The following ORC1 variants were observed in gnomAD, a reference collection of about 807,000 sequenced individuals.
ORC1 encodes the protein origin recognition complex subunit 1, also known as origin recognition complex, subunit 1 homolog.
Under a neutral mutation model 98.9 loss-of-function variants are expected in ORC1, and 61 were observed. The ratio of observed to expected loss-of-function variants is 0.62; its 90% CI spans 0.50 to 0.76. The LOEUF is 0.76. Ranked by LOEUF, ORC1 falls within the 30% of genes least tolerant of loss-of-function variation. ORC1 has a pLI of 0.00. For missense variants in ORC1, 979 were observed against 1,072.2 expected (o/e 0.91, Z 1.21); for synonymous variants, 385 against 406.9 (o/e 0.95, Z 0.65).
intron 3 of ORC1, among the ~76,000 whole-genome samples, chr1:52,398,588 TTTTA>T (rs1269467891): frequency 4.0e-5 from 6 of 149,834 alleles, no homozygotes; most frequent in African/African-American, 1.5e-4. Flanking sequence ...TTTTATTTTA[TTTTA>T]TTTTTTTGAG....
intron 14 of ORC1, among the ~76,000 whole-genome samples, chr1:52,380,028 G>A (rs1005036182): frequency 2.6e-5 from 4 of 152,196 alleles, no homozygotes; most frequent in African/African-American, 9.7e-5. Flanking sequence ...TTGTAGAAGA[G>A]GTGTCCCTTA....
At position 52,383,824 on chromosome 1, in the gene ORC1, C is replaced by T. The variant is rs1647105673; in HGVS notation, c.1863+6G>A. The T allele has an allele frequency of 1.9e-6, 3 of 1,610,840 alleles. No homozygotes were observed. The highest frequency in any genetic ancestry group is 2.5e-6 in the Non-Finnish European group (3 of 1,177,144). ...TTCTTCTCCTGTCCGCCCATGGGCA[C>T]CTCACCTCATCCACAAGCAGGACGG... On this transcript the variant is annotated splice_donor_region_variant and intron_variant, in intron 12 of 16. Transcript: ENST00000371568.
chr1:52,375,513 A>G lies in ORC1; in HGVS notation c.2220T>C (p.Pro740=). The G allele has an allele frequency of 1.2e-6, 2 of 1,614,108 alleles. No homozygotes were observed. Among genetic ancestry groups the G allele is most frequent in the Non-Finnish European group, 1.7e-6 (2 of 1,179,972 alleles). ...CTATGGTGACCAGGCCAGGGGAGTC[A>G]GGCTTCTGCTGGGAGAACTCACAGA... is the stretch of plus-strand genomic sequence containing the variant. ...TEICEFSQQK[P]DSPGLVTIAH... is the part of the protein sequence containing the mutation. Residue 740 remains proline, a synonymous_variant, in exon 15 of 17, where the codon CCT becomes CCC. Transcript: ENST00000371568.
chr1:52,399,414 G>C (rs1308297180), intron 3 of ORC1, among the ~76,000 whole-genome samples: 1 of 151,810 alleles, frequency 6.6e-6, no homozygotes, highest in Non-Finnish European at 1.5e-5. Context: ...CATGAGGTCA[G>C]GAGCTCAAGA....
chr1:52,409,467 AG>A, the ORC1 span: 1 of 152,180 alleles, frequency 6.6e-6, no homozygotes, highest in African/African-American at 2.4e-5. Flanking sequence ...AGTAATTAGC[AG>A]GGTGTGGAGG....
chr1:52,373,046 C>T lies in ORC1; in HGVS notation c.*135G>A. The T allele has an allele frequency of 1.1e-6, 1 of 921,026 alleles. No homozygotes were observed. Among genetic ancestry groups the T allele is most frequent in the Non-Finnish European group, 1.8e-6 (1 of 558,570 alleles). The allele number at this position is 921,026 out of a possible 1,614,324, so 57.1% of individuals were successfully genotyped here. A position where few individuals can be genotyped will look rare whatever the true frequency, so the allele number is the denominator to read the frequency against. The stretch of plus-strand genomic sequence containing the variant: ...ACCTGGGAGGATGAGGTTGGGGGGT[C>T]ACCTAAGCCTGAGAAGTCAAGGCTG... On this transcript the variant is annotated 3_prime_UTR_variant, in exon 17 of 17. Transcript: ENST00000371568.
chr1:52,374,635 A>T (rs1646971121), intron 16 of ORC1, among the ~76,000 whole-genome samples, 175 bp downstream of exon 16: 1 of 152,244 alleles, frequency 6.6e-6, no homozygotes, highest in Non-Finnish European at 1.5e-5. Context: ...CAGTCGCTAA[A>T]GGTCTCTTCT....
chr1:52,388,547 A>G lies in ORC1; in HGVS notation c.1278T>C (p.Ala426=), dbSNP rs369762779. ...CTCTCCTTGGAAGGGGCGGTGTGGAAGCCTCTTCTTCGTCACTGCTAGAGT... is the reference window on the plus strand; with the variant it reads ...CTCTCCTTGGAAGGGGCGGTGTGGAGGCCTCTTCTTCGTCACTGCTAGAGT... The part of the protein sequence containing the change: ...ISDSSSDEEE[A]STPPLPRRAP... The change falls in exon 8 of 17, where the codon GCT becomes GCC. Residue 426 remains alanine, a synonymous_variant. Transcript: ENST00000371568. 6.2e-7 allele frequency: 1 copy of G among 1,613,782 alleles called. No individual in the cohort carries two copies. Among genetic ancestry groups the G allele is most frequent in the Admixed American group, 1.7e-5 (1 of 59,996 alleles).
intron 14 of ORC1, among the ~76,000 whole-genome samples, chr1:52,378,818 G>T (rs149598230): frequency 3.9e-5 from 6 of 151,928 alleles, no homozygotes; most frequent in African/African-American, 1.5e-4. Flanking sequence ...CAGATCACGA[G>T]GTCAGGAGAT....
chr1:52,381,753 G>C lies in ORC1; in HGVS notation c.2022C>G (p.Thr674=). Residue 674 remains threonine (T), a synonymous_variant, in exon 14 of 17, where the codon ACC becomes ACG. Coordinates refer to ENST00000371568, the MANE Select transcript of ORC1 (RefSeq NM_004153.4). ...MNRVSSRLGL[T]RMCFQPYTYS... ...ATGTATAGGGCTGGAAGCACATCCT[G>C]GTAAGACCCTGGGGAGCCAAAATGA... 1 of 1,613,086 alleles carries C rather than the reference G, an allele frequency of 6.2e-7. No homozygotes were observed. Among genetic ancestry groups the C allele is most frequent in the Non-Finnish European group, 8.5e-7 (1 of 1,179,418 alleles).
intron 7 of ORC1, 108 bp downstream of exon 7, chr1:52,389,109 C>G (rs112997357): frequency 4.6e-6 from 4 of 862,436 alleles, no homozygotes; most frequent in South Asian, 1.4e-5. Context: ...GGTAAAAGGT[C>G]AATTTCAATG....
Position 52,384,565 on chromosome 1 carries a change from A to G in ORC1, c.1740T>C (p.Tyr580=). The G allele has an allele frequency of 1.2e-6, 2 of 1,614,162 alleles. No homozygotes were observed. The highest frequency in any genetic ancestry group is 4.5e-5 in the East Asian group (2 of 44,886). Residue 580 remains tyrosine (Y), a synonymous_variant, in exon 11 of 17, where the codon TAT becomes TAC. Transcript: ENST00000371568. ...CTCTGCTTACCTGCAAGATTTGCACATAGACTTGGTGGGGCTCCGTCAGCT... is the reference window on the plus strand; with the variant it reads ...CTCTGCTTACCTGCAAGATTTGCACGTAGACTTGGTGGGGCTCCGTCAGCT... The part of the protein sequence containing the change: ...GMKLTEPHQV[Y]VQILQKLTGQ...
chr1:52,386,425 G>A (rs1647144031), intron 8 of ORC1, among the ~76,000 whole-genome samples: 1 of 152,110 alleles, frequency 6.6e-6, no homozygotes, highest in South Asian at 2.1e-4. Context: ...GAGAAACCTT[G>A]GCAGATTTTT....
At chr1:52,397,932 G>A (rs1647495232) in intron 3 of ORC1, 69 bp from the exon 4 acceptor site, 1 of 1,379,632 alleles carries the variant, frequency 7.2e-7, no homozygotes, top group African/African-American at 1.4e-5. Flanking sequence ...CAATTCCTAT[G>A]TGCCAGACAC....
chr1:52,384,495 T>C, intron 11 of ORC1, 55 bp downstream of exon 11: 2 of 1,504,610 alleles, frequency 1.3e-6, no homozygotes, highest in East Asian at 4.5e-5. Flanking sequence ...TCTTTCCTTT[T>C]TCATGTGTCA....
rs1398444198 is a variant in ORC1 at position 52,383,540 on chromosome 1, G to A, written c.1893C>T (p.Asp631=). 2 of 1,614,066 alleles carry A rather than the reference G, an allele frequency of 1.2e-6. No homozygotes were observed. The highest frequency in any genetic ancestry group is 1.7e-5 in the Admixed American group (1 of 60,018). ...ELDLLWTHKQ[D]IMYNLFDWPT... ...GCCAGTCAAAGAGATTGTACATTAT[G>A]TCTTGTTTGTGAGTCCACAGAAGGT... Residue 631 remains aspartate, a synonymous_variant, in exon 13 of 17, where the codon GAC becomes GAT. Transcript: ENST00000371568.
chr1:52,380,582 C>T (rs1372165517), intron 14 of ORC1, among the ~76,000 whole-genome samples: 2 of 151,992 alleles, frequency 1.3e-5, no homozygotes, highest in Non-Finnish European at 2.9e-5. Flanking sequence ...GTAATCCCAG[C>T]TACTCAGGAG....
chr1:52,380,864 G>C (rs1287211732), intron 14 of ORC1, among the ~76,000 whole-genome samples: 1 of 152,146 alleles, frequency 6.6e-6, no homozygotes, highest in Admixed American at 6.6e-5. Flanking sequence ...CTGGAGACAG[G>C]CACACAATTG....
chr1:52,404,505 C>T (rs934489853), upstream of ORC1: 1 of 390,128 alleles, frequency 2.6e-6, no homozygotes, highest in Admixed American at 4.4e-5. Context: ...CTCGCCCCGC[C>T]CACTCCGTAC....
Sources: gnomAD v4.1 joint callset for allele counts (sites outside exome capture counted in the v4.1 genomes callset) on GRCh38, gnomAD v4.1.1 for gene constraint, MANE v1.5 for transcripts, NCBI Gene and HGNC (gene_info 2026-07-23, HGNC 2026-07-21) for gene names.